SNX8: variants seen among roughly 807,000 people sequenced by gnomAD.
The protein encoded by SNX8 is sorting nexin 8.
In SNX8, 25 loss-of-function variants were observed where a neutral mutation model predicts 51.6. The ratio of observed to expected loss-of-function variants is 0.48; its 90% CI spans 0.35 to 0.68. SNX8 has a LOEUF of 0.68. Among genes scored for constraint, SNX8 ranks in the 30% least tolerant of loss-of-function variants. The pLI is 0.00. For missense variants in SNX8, 695 were observed against 624.0 expected, an observed-to-expected ratio of 1.11 and a Z score of -1.21; for synonymous variants, 324 against 277.0, an observed-to-expected ratio of 1.17 and a Z score of -1.68.
chr7:2,292,704 C>A (rs116774716), intron 1 of SNX8, among the ~76,000 whole-genome samples: 6,868 of 152,092 alleles, frequency 0.045, 271 homozygotes, highest in African/African-American at 0.1. Context: ...AGCCACTGTG[C>A]CCGGCCCAGG....
intron 1 of SNX8, among the ~76,000 whole-genome samples, chr7:2,312,748 A>C (rs1796681917): frequency 6.8e-6 from 1 of 146,396 alleles, no homozygotes; most frequent in East Asian, 1.9e-4. Context: ...GGGATTCCCC[A>C]ATCTTGTCCC....
At chr7:2,293,203 T>C (rs1835438095) in intron 1 of SNX8, among the ~76,000 whole-genome samples, 1 of 146,480 alleles carries the variant, frequency 6.8e-6, no homozygotes, top group African/African-American at 2.5e-5. Context: ...AGGTCTCCAA[T>C]TCCTAAGCTT....
At chr7:2,308,283 T>TA (rs1191530379) in intron 1 of SNX8, among the ~76,000 whole-genome samples, 3 of 151,620 alleles carry the variant, frequency 2.0e-5, no homozygotes, top group Admixed American at 6.6e-5. Context: ...GAGCCAGAAT[T>TA]AAAAAAAGAA....
chr7:2,294,173 G>A (rs1188940362), intron 1 of SNX8, among the ~76,000 whole-genome samples: 1 of 151,172 alleles, frequency 6.6e-6, no homozygotes, highest in Non-Finnish European at 1.5e-5. Context: ...TGAGGCCAGA[G>A]AATCGTTTGA....
intron 1 of SNX8, among the ~76,000 whole-genome samples, chr7:2,287,426 A>G (rs981688823): frequency 1.3e-5 from 2 of 152,086 alleles, no homozygotes; most frequent in Non-Finnish European, 2.9e-5. Flanking sequence ...TAAAAATACA[A>G]AAATTAGACG....
chr7:2,304,318 G>A (rs906045248), intron 1 of SNX8, among the ~76,000 whole-genome samples: 2 of 151,914 alleles, frequency 1.3e-5, no homozygotes, highest in Admixed American at 6.6e-5. Context: ...GCCAAGGTGG[G>A]CAGATCACGA....
chr7:2,259,667 C>A (rs1795289370), intron 7 of SNX8, among the ~76,000 whole-genome samples: 1 of 152,214 alleles, frequency 6.6e-6, no homozygotes, highest in Non-Finnish European at 1.5e-5. Context: ...GTAAAATGTG[C>A]CAGGAGAAGA....
intron 1 of SNX8, among the ~76,000 whole-genome samples, chr7:2,348,888 TTA>T (rs1779084199): frequency 7.0e-6 from 1 of 143,442 alleles, no homozygotes; most frequent in African/African-American, 2.6e-5. Flanking sequence ...GGAGGCGGAG[TTA>T]CAGTGAGCAG....
intron 1 of SNX8, among the ~76,000 whole-genome samples, chr7:2,313,291 T>C (rs1292713674): frequency 6.6e-6 from 1 of 151,058 alleles, no homozygotes; most frequent in African/African-American, 2.4e-5. Context: ...TCTGGGAAGC[T>C]GAGGTGGTTG....
chr7:2,254,709 A>C lies in SNX8; in HGVS notation c.*347T>G. ...TGATGCTGCCCCTCCCGACTGTTCCAGCACCTGGAGGCCCTGCCTCCACGC... is the reference window on the plus strand; with the variant it reads ...TGATGCTGCCCCTCCCGACTGTTCCCGCACCTGGAGGCCCTGCCTCCACGC... On this transcript the variant is annotated 3_prime_UTR_variant, in exon 11 of 11. Coordinates refer to ENST00000222990, the MANE Select transcript of SNX8 (RefSeq NM_013321.4). 1 of 336,104 alleles carries C rather than the reference A, an allele frequency of 3.0e-6. No individual in the cohort carries two copies. The highest frequency in any genetic ancestry group is 5.6e-6 in the Non-Finnish European group (1 of 178,612). 20.8% of individuals were successfully genotyped at this position (336,104 alleles called of 1,614,324 possible).
chr7:2,316,677 TGA>T (rs1366085333), upstream of SNX8, among the ~76,000 whole-genome samples: 1 of 150,798 alleles, frequency 6.6e-6, no homozygotes, highest in Non-Finnish European at 1.5e-5. Context: ...ACCCACTCAC[TGA>T]GTCACTGCAT....
At chr7:2,325,275 G>C (rs1361300123) in intron 1 of SNX8, among the ~76,000 whole-genome samples, 2 of 152,154 alleles carry the variant, frequency 1.3e-5, no homozygotes, top group African/African-American at 4.8e-5. Context: ...CAAAGTGCTG[G>C]GACTGTAGGC....
At chr7:2,314,493 C>CG (rs987826377), upstream of SNX8, 2 of 1,165,096 alleles carry the variant, frequency 1.7e-6, no homozygotes, top group Non-Finnish European at 2.1e-6. Context: ...CGCGCCCTCG[C>CG]CCCGCCCACA....
chr7:2,283,639 G>A (rs1472930566), intron 1 of SNX8, among the ~76,000 whole-genome samples: 2 of 152,208 alleles, frequency 1.3e-5, no homozygotes, highest in African/African-American at 2.4e-5. Flanking sequence ...TAGAACGGAG[G>A]GGAGATCAGG....
At chr7:2,342,632 C>T (rs1242152227) in intron 1 of SNX8, among the ~76,000 whole-genome samples, 5 of 149,018 alleles carry the variant, frequency 3.4e-5, no homozygotes, top group East Asian at 2.0e-4. Context: ...GCAGCCTAGG[C>T]GACAGAGCGA....
chr7:2,302,744 C>T (rs949627215), intron 1 of SNX8, among the ~76,000 whole-genome samples: 1 of 151,546 alleles, frequency 6.6e-6, no homozygotes, highest in Non-Finnish European at 1.5e-5. Context: ...GGGAGCGCCT[C>T]TGCCCCACCG....
chr7:2,264,862 C>A (rs2115104394), intron 5 of SNX8, among the ~76,000 whole-genome samples: 2 of 152,022 alleles, frequency 1.3e-5, no homozygotes, highest in South Asian at 4.2e-4. Context: ...TGGTGAAACC[C>A]CATCTCCACT....
At chr7:2,263,165 C>T (rs1007818786) in intron 7 of SNX8, 65 bp downstream of exon 7, 11 of 1,552,954 alleles carry the variant, frequency 7.1e-6, no homozygotes, top group Non-Finnish European at 8.8e-6. Flanking sequence ...AAGCAGGAGG[C>T]ACTCCCCATG....
At chr7:2,334,400 C>T (rs1217993051) in intron 1 of SNX8, among the ~76,000 whole-genome samples, 5 of 148,314 alleles carry the variant, frequency 3.4e-5, no homozygotes, top group African/African-American at 1.2e-4. Context: ...GAGACTCCAT[C>T]TCAAAAAAAA....
Sources: gnomAD v4.1 joint callset for allele counts (sites outside exome capture counted in the v4.1 genomes callset) on GRCh38, gnomAD v4.1.1 for gene constraint, MANE v1.5 for transcripts, NCBI Gene and HGNC (gene_info 2026-07-23, HGNC 2026-07-21) for gene names.